The following EIF4G3 variants were observed in gnomAD, a reference collection of about 807,000 sequenced individuals.
EIF4G3 encodes the protein eIF-4-gamma 3.
In EIF4G3, 34 loss-of-function variants were observed where a neutral mutation model predicts 186.4. The observed-to-expected ratio is 0.18, with a 90% CI of 0.14 to 0.24. The LOEUF is 0.24. EIF4G3 is among the 10% of genes least tolerant of loss of function. The pLI is 1.00. For synonymous variants in EIF4G3, 673 were observed against 679.5 expected, an observed-to-expected ratio of 0.99 and a Z score of 0.15; for missense variants, 1,536 against 1,948.5, an observed-to-expected ratio of 0.79 and a Z score of 3.99.
chr1:20,960,721 A>G (rs959968622), intron 12 of EIF4G3, among the ~76,000 whole-genome samples: 1 of 152,124 alleles, frequency 6.6e-6, no homozygotes, highest in South Asian at 2.1e-4. Flanking sequence ...ACTGTGTCAC[A>G]GCACTCCAGC....
intron 8 of EIF4G3, among the ~76,000 whole-genome samples, 190 bp from the exon 9 acceptor site, chr1:20,981,417 G>A (rs1164412571): frequency 6.6e-6 from 1 of 151,882 alleles, no homozygotes; most frequent in Non-Finnish European, 1.5e-5. Context: ...GCTCTTATCA[G>A]TATCATCACA....
intron 14 of EIF4G3, among the ~76,000 whole-genome samples, chr1:20,932,464 A>G (rs982403519): frequency 2.0e-5 from 3 of 152,142 alleles, no homozygotes; most frequent in African/African-American, 7.2e-5. Context: ...CTTTCGATAC[A>G]TATTCCTCAC....
intron 12 of EIF4G3, among the ~76,000 whole-genome samples, chr1:20,968,610 A>G (rs1298168445): frequency 6.6e-6 from 1 of 152,246 alleles, no homozygotes; most frequent in Non-Finnish European, 1.5e-5. Context: ...TGATAACCAC[A>G]TTCTTCACCA....
intron 30 of EIF4G3, among the ~76,000 whole-genome samples, chr1:20,830,635 C>G (rs2064885337): frequency 1.3e-5 from 2 of 152,250 alleles, no homozygotes; most frequent in South Asian, 4.1e-4. Flanking sequence ...TGTAGCCATG[C>G]TGGTCTTTCA....
intron 2 of EIF4G3, chr1:21,167,868 T>TG: frequency 3.5e-6 from 1 of 282,512 alleles, no homozygotes; most frequent in Non-Finnish European, 7.4e-6. Context: ...AATAATTGTA[T>TG]GGGAAAAAAA....
chr1:21,139,464 C>CA (rs1193525809), intron 2 of EIF4G3, among the ~76,000 whole-genome samples: 3 of 151,726 alleles, frequency 2.0e-5, no homozygotes, highest in African/African-American at 2.4e-5. Context: ...CGGAAAAAAA[C>CA]AAAAAAAACT....
intron 30 of EIF4G3, among the ~76,000 whole-genome samples, chr1:20,831,974 T>C (rs1233571307): frequency 7.7e-6 from 1 of 129,052 alleles, no homozygotes; most frequent in African/African-American, 2.9e-5. Flanking sequence ...TTCCATGGTG[T>C]ATATGTGCCA....
intron 10 of EIF4G3, among the ~76,000 whole-genome samples, chr1:20,973,637 T>C (rs558066984): frequency 6.6e-5 from 10 of 152,326 alleles, no homozygotes; most frequent in African/African-American, 1.9e-4. Flanking sequence ...GCTCAGAACA[T>C]ATGGCCTTAA....
chr1:20,819,891 A>C (rs1257034712), intron 33 of EIF4G3, among the ~76,000 whole-genome samples: 1 of 152,110 alleles, frequency 6.6e-6, no homozygotes, highest in Non-Finnish European at 1.5e-5. Flanking sequence ...AGAAGGAGGA[A>C]AGAGGAGAGA....
chr1:21,001,337 T>C (rs1185936213), intron 5 of EIF4G3, 25 bp from the exon 6 acceptor site: 1 of 471,010 alleles, frequency 2.1e-6, no homozygotes, highest in East Asian at 6.9e-5. Context: ...GGTTTAGAGA[T>C]GCAGCTCTTC....
intron 7 of EIF4G3, among the ~76,000 whole-genome samples, chr1:20,994,319 C>T (rs931702210): frequency 5.3e-5 from 8 of 152,136 alleles, no homozygotes; most frequent in African/African-American, 1.9e-4. Context: ...TTCAGTTAGC[C>T]CTGCTCAGCT....
At chr1:21,108,490 G>A (rs1375585516) in intron 2 of EIF4G3, among the ~76,000 whole-genome samples, 1 of 152,134 alleles carries the variant, frequency 6.6e-6, no homozygotes, top group African/African-American at 2.4e-5. Context: ...TCCTTCCAGT[G>A]TAGGACGCTA....
At chr1:21,000,870 T>C (rs2083369338) in intron 6 of EIF4G3, among the ~76,000 whole-genome samples, 1 of 152,150 alleles carries the variant, frequency 6.6e-6, no homozygotes, top group Admixed American at 6.5e-5. Context: ...TAATATTCAA[T>C]TATAAAATTG....
intron 24 of EIF4G3, among the ~76,000 whole-genome samples, chr1:20,858,261 C>T (rs2075511989): frequency 6.6e-6 from 1 of 152,196 alleles, no homozygotes; most frequent in Non-Finnish European, 1.5e-5. Context: ...TCTAAATAAT[C>T]TGGCTCCTGC....
At chr1:21,057,904 TCTC>T (rs2094641919) in intron 3 of EIF4G3, among the ~76,000 whole-genome samples, 1 of 152,160 alleles carries the variant, frequency 6.6e-6, no homozygotes, top group African/African-American at 2.4e-5. Flanking sequence ...CAAAAAATAA[TCTC>T]CTATAAAATT....
At chr1:20,954,197 T>C (rs567884724) in intron 12 of EIF4G3, among the ~76,000 whole-genome samples, 1 of 152,104 alleles carries the variant, frequency 6.6e-6, no homozygotes, top group East Asian at 1.9e-4. Context: ...ATAAAATCTG[T>C]GGATAAACAA....
chr1:20,921,902 T>C (rs556112115), intron 14 of EIF4G3, among the ~76,000 whole-genome samples: 1 of 152,344 alleles, frequency 6.6e-6, no homozygotes, highest in East Asian at 1.9e-4. Flanking sequence ...TTGATTTCAC[T>C]ATTCTTTCTC....
intron 13 of EIF4G3, among the ~76,000 whole-genome samples, chr1:20,942,928 G>C (rs2095780846): frequency 6.6e-6 from 1 of 152,042 alleles, no homozygotes; most frequent in Non-Finnish European, 1.5e-5. Context: ...CTCAGTAACT[G>C]ATAAAAATCA....
At chr1:20,886,091 T>C (rs1341451712) in intron 19 of EIF4G3, 110 bp downstream of exon 19, 61 of 1,288,778 alleles carry the variant, frequency 4.7e-5, no homozygotes, top group Non-Finnish European at 6.5e-5. Flanking sequence ...TAGGAAAATG[T>C]TATAAAAAGT....
Sources: gnomAD v4.1 joint callset for allele counts (sites outside exome capture counted in the v4.1 genomes callset) on GRCh38, gnomAD v4.1.1 for gene constraint, MANE v1.5 for transcripts, NCBI Gene and HGNC (gene_info 2026-07-23, HGNC 2026-07-21) for gene names.